The following LRP1B variants were observed in gnomAD, a reference collection of about 807,000 sequenced individuals.
The protein encoded by LRP1B is low-density lipoprotein receptor-related protein 1B.
A neutral mutation model predicts 556.6 loss-of-function variants in LRP1B; 217 were observed. The ratio of observed to expected loss-of-function variants is 0.39; its 90% CI spans 0.35 to 0.44. The LOEUF (loss-of-function observed/expected upper bound fraction) is 0.44, where lower values mean the gene tolerates loss of function less well. Ranked by LOEUF, LRP1B falls within the 20% of genes least tolerant of loss-of-function variation. LRP1B has a pLI of 1.00. For missense variants in LRP1B, 5,053 were observed against 5,620.8 expected, an observed-to-expected ratio of 0.90 and a Z score of 3.23; for synonymous variants, 2,047 against 1,865.8, an observed-to-expected ratio of 1.10 and a Z score of -2.50.
intron 35 of LRP1B, among the ~76,000 whole-genome samples, chr2:140,731,458 A>G (rs1420761282): frequency 6.6e-6 from 1 of 152,182 alleles, no homozygotes; most frequent in Admixed American, 6.5e-5. Flanking sequence ...AGATAAAAAG[A>G]GTAAGAATAT....
At chr2:141,424,992 A>G (rs1680300226) in intron 3 of LRP1B, among the ~76,000 whole-genome samples, 1 of 151,848 alleles carries the variant, frequency 6.6e-6, no homozygotes, top group Non-Finnish European at 1.5e-5. Context: ...ATATGTATAC[A>G]TGTGCCATGC....
intron 19 of LRP1B, among the ~76,000 whole-genome samples, chr2:140,951,606 A>T (rs1573914925): frequency 6.6e-6 from 1 of 152,218 alleles, no homozygotes; most frequent in East Asian, 1.9e-4. Context: ...ACATGTTTGT[A>T]GAATTAGACT....
At chr2:141,614,656 A>G (rs1246794192) in intron 2 of LRP1B, among the ~76,000 whole-genome samples, 3 of 152,136 alleles carry the variant, frequency 2.0e-5, no homozygotes, top group Non-Finnish European at 4.4e-5. Context: ...CAGAAATTGG[A>G]GTGATAGATC....
intron 1 of LRP1B, among the ~76,000 whole-genome samples, chr2:142,058,432 A>T (rs2104886754): frequency 6.6e-6 from 1 of 152,300 alleles, no homozygotes; most frequent in South Asian, 2.1e-4. Flanking sequence ...TCTGTTGAGA[A>T]ATACTTTAGC....
chr2:140,453,643 G>A (rs530620523), intron 62 of LRP1B, among the ~76,000 whole-genome samples: 47 of 150,432 alleles, frequency 3.1e-4, no homozygotes, highest in Middle Eastern at 3.6e-3. Context: ...CTTAAGTGAA[G>A]CCATTATTAA....
At chr2:141,249,286 G>A (rs895813363) in intron 4 of LRP1B, among the ~76,000 whole-genome samples, 6 of 152,152 alleles carry the variant, frequency 3.9e-5, no homozygotes, top group African/African-American at 1.2e-4. Flanking sequence ...ATACCAAAGT[G>A]GAAAGGGCAG....
At chr2:141,948,535 A>T (rs1421051923) in intron 1 of LRP1B, among the ~76,000 whole-genome samples, 1 of 151,976 alleles carries the variant, frequency 6.6e-6, no homozygotes, top group African/African-American at 2.4e-5. Context: ...CTTCTTACAA[A>T]ATAGTCAATG....
At chr2:140,322,215 G>C in intron 81 of LRP1B, 127 bp from the exon 82 acceptor site, 4 of 860,480 alleles carry the variant, frequency 4.6e-6, no homozygotes, top group Non-Finnish European at 7.3e-6. Flanking sequence ...AATTTCCACT[G>C]ATGTGGAGTA....
At chr2:140,500,172 T>C (rs1255223202) in intron 55 of LRP1B, among the ~76,000 whole-genome samples, 6 of 152,012 alleles carry the variant, frequency 3.9e-5, no homozygotes, top group Non-Finnish European at 5.9e-5. Flanking sequence ...CACTTCTTAA[T>C]ACAATATTGG....
At chr2:142,079,847 G>A (rs540133896) in intron 1 of LRP1B, among the ~76,000 whole-genome samples, 1 of 152,116 alleles carries the variant, frequency 6.6e-6, no homozygotes, top group South Asian at 2.1e-4. Flanking sequence ...GATATCTTAT[G>A]TTTTAATTTG....
chr2:141,809,405 A>T (rs952348815), intron 2 of LRP1B, among the ~76,000 whole-genome samples: 1 of 152,032 alleles, frequency 6.6e-6, no homozygotes, highest in Non-Finnish European at 1.5e-5. Flanking sequence ...TCATACAACT[A>T]TGTGGTTACT....
At chr2:141,014,556 T>G (rs1399678426) in intron 13 of LRP1B, among the ~76,000 whole-genome samples, 1 of 152,092 alleles carries the variant, frequency 6.6e-6, no homozygotes, top group Non-Finnish European at 1.5e-5. Flanking sequence ...TTGTATTCAC[T>G]TCATTTAATA....
chr2:140,705,703 G>T (rs1317230327), intron 37 of LRP1B, among the ~76,000 whole-genome samples: 2 of 148,968 alleles, frequency 1.3e-5, no homozygotes, highest in Non-Finnish European at 3.0e-5. Flanking sequence ...AAAAAAAAAT[G>T]CATAAAATTA....
chr2:141,005,485 A>G (rs776276683), intron 14 of LRP1B, 28 bp from the exon 15 acceptor site: 4 of 1,606,172 alleles, frequency 2.5e-6, no homozygotes, highest in Non-Finnish European at 3.4e-6. Context: ...CAAATGTGTC[A>G]GAGAACTCTG....
chr2:140,924,956 G>A (rs772402899), intron 20 of LRP1B, among the ~76,000 whole-genome samples: 2 of 151,922 alleles, frequency 1.3e-5, no homozygotes, highest in Non-Finnish European at 2.9e-5. Flanking sequence ...TCAAACAAAT[G>A]TATTTAGAAA....
At chr2:140,815,399 T>A (rs1197803470) in intron 31 of LRP1B, among the ~76,000 whole-genome samples, 1 of 152,146 alleles carries the variant, frequency 6.6e-6, no homozygotes, top group Non-Finnish European at 1.5e-5. Context: ...TTTGAAATCC[T>A]GGGCTCAAGC....
At chr2:141,715,557 G>A (rs145616572) in intron 2 of LRP1B, among the ~76,000 whole-genome samples, 14,769 of 152,152 alleles carry the variant, frequency 0.097, 1,302 homozygotes, top group African/African-American at 0.23. Context: ...GCTCACACCT[G>A]TAATCCCAGC....
At chr2:141,527,359 A>G (rs1339412828) in intron 2 of LRP1B, among the ~76,000 whole-genome samples, 1 of 152,088 alleles carries the variant, frequency 6.6e-6, no homozygotes, top group African/African-American at 2.4e-5. Context: ...GATGTATAAA[A>G]AAAACATTGT....
At chr2:141,666,485 A>G (rs1690440869) in intron 2 of LRP1B, among the ~76,000 whole-genome samples, 1 of 152,158 alleles carries the variant, frequency 6.6e-6, no homozygotes, top group Admixed American at 6.5e-5. Flanking sequence ...TCCTAGGTAC[A>G]TCCTTTCAAG....
Sources: gnomAD v4.1 joint callset for allele counts (sites outside exome capture counted in the v4.1 genomes callset) on GRCh38, gnomAD v4.1.1 for gene constraint, MANE v1.5 for transcripts, NCBI Gene and HGNC (gene_info 2026-07-23, HGNC 2026-07-21) for gene names.